ACSS3: variants seen among roughly 807,000 people sequenced by gnomAD.
The protein encoded by ACSS3 is acyl-CoA synthetase short chain family member 3, also known as acyl-CoA synthetase short-chain family member 3, mitochondrial.
In ACSS3, 64 loss-of-function variants were observed where a neutral mutation model predicts 84.2. The observed-to-expected ratio is 0.76, with a 90% CI of 0.62 to 0.94. ACSS3 has a LOEUF of 0.94. ACSS3 is among the 40% of genes least tolerant of loss of function. The pLI is 0.00. For missense variants in ACSS3, 815 were observed against 867.6 expected (o/e 0.94, Z 0.76); for synonymous variants, 317 against 310.1 (o/e 1.02, Z -0.23).
rs1167434676 is a variant in ACSS3, at chr12:81,258,596, C to T, written c.*3674C>T. On this transcript the variant is annotated 3_prime_UTR_variant, in exon 16 of 16. Coordinates refer to ENST00000548058, the MANE Select transcript of ACSS3 (RefSeq NM_024560.4). ...ACTTTTATACACTATATATGTTAATCATTCTGTCTTTCATTTATTTCCTCT... is the reference window on the plus strand; with the variant it reads ...ACTTTTATACACTATATATGTTAATTATTCTGTCTTTCATTTATTTCCTCT... 1.3e-5 allele frequency: 2 copies of T among 152,118 alleles called. No homozygotes were observed. The highest frequency in any genetic ancestry group is 4.8e-5 in the African/African-American group (2 of 41,448). The allele number at this position is 152,118 out of a possible 1,614,324, so 9.4% of individuals were successfully genotyped here. A position where few individuals can be genotyped will look rare whatever the true frequency, so the allele number is the denominator to read the frequency against.
chr12:81,251,065 C>T (rs1303759825), intron 13 of ACSS3, among the ~76,000 whole-genome samples: 1 of 152,024 alleles, frequency 6.6e-6, no homozygotes, highest in Non-Finnish European at 1.5e-5. Context: ...ATTTATTTTC[C>T]ACGATGAAAC....
At chr12:81,242,015 A>G (rs1404326277) in intron 13 of ACSS3, among the ~76,000 whole-genome samples, 1 of 152,016 alleles carries the variant, frequency 6.6e-6, no homozygotes, top group Admixed American at 6.6e-5. Context: ...ATTTTCATAT[A>G]AGGTGTAAGG....
intron 9 of ACSS3, among the ~76,000 whole-genome samples, chr12:81,202,234 G>A (rs1270723823): frequency 2.6e-5 from 4 of 151,778 alleles, no homozygotes; most frequent in South Asian, 2.1e-4. Context: ...AGCTGAGATC[G>A]CACCACTGCA....
chr12:81,093,075 A>G (rs1053938886), intron 1 of ACSS3, among the ~76,000 whole-genome samples: 1 of 152,104 alleles, frequency 6.6e-6, no homozygotes, highest in Non-Finnish European at 1.5e-5. Flanking sequence ...TGATTTAATT[A>G]TCAAGGGAGA....
chr12:81,249,620 A>T (rs560712274), intron 13 of ACSS3, among the ~76,000 whole-genome samples: 4 of 152,072 alleles, frequency 2.6e-5, no homozygotes, highest in Admixed American at 2.6e-4. Flanking sequence ...TGCCATTTCA[A>T]TTCTACCAAG....
chr12:81,161,825 C>CA (rs562581306), intron 7 of ACSS3, among the ~76,000 whole-genome samples: 27,249 of 152,056 alleles, frequency 0.18, 2,754 homozygotes, highest in East Asian at 0.4. Flanking sequence ...GCGTGGGGTC[C>CA]AGCCACTGCA....
At chr12:81,159,008 T>C (rs1026157795) in intron 7 of ACSS3, among the ~76,000 whole-genome samples, 16 of 152,204 alleles carry the variant, frequency 1.1e-4, no homozygotes, top group African/African-American at 3.4e-4. Context: ...ATTTGTTAAA[T>C]AAATGCCTGA....
At chr12:81,109,418 C>T (rs903958963) in intron 1 of ACSS3, 142 bp from the exon 2 acceptor site, 1 of 825,898 alleles carries the variant, frequency 1.2e-6, no homozygotes, top group Non-Finnish European at 1.8e-6. Context: ...ATCTAGTTTA[C>T]AGCTGTCATT....
chr12:81,199,762 C>A, intron 9 of ACSS3: 1 of 1,075,302 alleles, frequency 9.3e-7, no homozygotes, highest in Non-Finnish European at 1.3e-6. Context: ...TGGGTTCATT[C>A]CACCTTCAGT....
intron 1 of ACSS3, among the ~76,000 whole-genome samples, chr12:81,098,094 A>T (rs1002118997): frequency 2.6e-5 from 4 of 151,916 alleles, no homozygotes; most frequent in African/African-American, 9.7e-5. Context: ...AGATGTGCAC[A>T]TAAGGTGAAT....
intron 9 of ACSS3, among the ~76,000 whole-genome samples, chr12:81,204,988 T>G (rs1243048993): frequency 6.6e-6 from 1 of 152,174 alleles, no homozygotes. Context: ...TTGATCTTAC[T>G]TTATCTGCCT....
At chr12:81,167,452 A>G (rs1416715037) in intron 7 of ACSS3, among the ~76,000 whole-genome samples, 1 of 152,202 alleles carries the variant, frequency 6.6e-6, no homozygotes, top group Non-Finnish European at 1.5e-5. Flanking sequence ...AATATATAGA[A>G]CAGAAATATA....
At chr12:81,221,008 C>T (rs976498904) in intron 11 of ACSS3, among the ~76,000 whole-genome samples, 2 of 152,058 alleles carry the variant, frequency 1.3e-5, no homozygotes, top group African/African-American at 4.8e-5. Context: ...AAGTTCCTGA[C>T]TTAGCAAATA....
chr12:81,168,572 A>T (rs1248283250), intron 7 of ACSS3, among the ~76,000 whole-genome samples: 1 of 152,214 alleles, frequency 6.6e-6, no homozygotes, highest in Non-Finnish European at 1.5e-5. Flanking sequence ...TGGGTAATAC[A>T]TAAAGAGCTT....
chr12:81,249,974 A>G (rs192698611), intron 13 of ACSS3, among the ~76,000 whole-genome samples: 47 of 152,196 alleles, frequency 3.1e-4, no homozygotes, highest in African/African-American at 1.1e-3. Flanking sequence ...CTAAGAAACA[A>G]CAGATGACAG....
chr12:81,183,595 A>G lies in ACSS3; in HGVS notation c.1250+8656A>G, dbSNP rs561545828. On this transcript the variant is annotated intron_variant, in intron 8 of 15. Coordinates refer to ENST00000548058, the MANE Select transcript of ACSS3 (RefSeq NM_024560.4). ...GGACACATGAAGGCTGAAAGTAAAA[A>G]GATGGAAGGGGAACATCCATGTAAA... Among the ~76,000 whole-genome samples, 50 of 152,230 alleles carry G rather than the reference A, an allele frequency of 3.3e-4. No homozygotes were observed. The East Asian group carries it at 8.9e-3, about 27-fold the overall frequency.
chr12:81,083,753 C>T (rs183867148), intron 1 of ACSS3, among the ~76,000 whole-genome samples: 67 of 152,078 alleles, frequency 4.4e-4, no homozygotes, highest in Non-Finnish European at 8.2e-4. Flanking sequence ...AGGCAGATGA[C>T]GACGTCAGGA....
intron 5 of ACSS3, among the ~76,000 whole-genome samples, chr12:81,150,614 A>G (rs904346207): frequency 6.6e-6 from 1 of 152,222 alleles, no homozygotes; most frequent in Non-Finnish European, 1.5e-5. Context: ...AATCTAGAAA[A>G]TAGCTCTCAA....
rs1352737404 is a variant in ACSS3, at chr12:81,259,723, A to G, written c.*4801A>G. Reference sequence around the variant, plus strand: ...GTCCCAGACTGGGAAATCTCATTCTACTCCTCTGTGGTGTACCTCCACGCA... The same window carrying G: ...GTCCCAGACTGGGAAATCTCATTCTGCTCCTCTGTGGTGTACCTCCACGCA... On this transcript the variant is annotated 3_prime_UTR_variant, in exon 16 of 16. Transcript: ENST00000548058. 11 of 1,436,316 alleles carry G rather than the reference A, an allele frequency of 7.7e-6. No individual in the cohort carries two copies. Among genetic ancestry groups the G allele is most frequent in the African/African-American group, 1.4e-5 (1 of 70,676 alleles). 89.0% of individuals were successfully genotyped at this position (1,436,316 alleles called of 1,614,324 possible).
Sources: allele counts gnomAD v4.1 joint callset (sites outside exome capture counted in the v4.1 genomes callset), GRCh38; gene constraint gnomAD v4.1.1; transcripts MANE v1.5; gene names NCBI Gene and HGNC (gene_info 2026-07-23, HGNC 2026-07-21).